The following ASIC2 variants were observed in gnomAD, a reference collection of about 807,000 sequenced individuals.
The protein encoded by ASIC2 is acid-sensing ion channel 2.
In ASIC2, 25 loss-of-function variants were observed where a neutral mutation model predicts 57.3. That is an observed-to-expected ratio of 0.44 (90% CI 0.32 to 0.61). The LOEUF is 0.61. Ranked by LOEUF, ASIC2 falls within the 20% of genes least tolerant of loss-of-function variation. ASIC2 has a pLI of 0.06. For synonymous variants in ASIC2, 319 were observed against 307.5 expected (o/e 1.04, Z -0.39); for missense variants, 641 against 738.1 (o/e 0.87, Z 1.52).
At chr17:33,053,459 A>T (rs1047984903) in intron 3 of ASIC2, among the ~76,000 whole-genome samples, 1 of 152,170 alleles carries the variant, frequency 6.6e-6, no homozygotes, top group Non-Finnish European at 1.5e-5. Flanking sequence ...CTTCTCCCTT[A>T]GCCTCCACTG....
chr17:33,887,977 G>A (rs889096254), intron 1 of ASIC2, among the ~76,000 whole-genome samples: 11 of 152,098 alleles, frequency 7.2e-5, no homozygotes, highest in African/African-American at 2.7e-4. Flanking sequence ...GGTTTCTGCC[G>A]ATTTTGCATG....
At chr17:33,780,770 C>A (rs1040666721) in intron 1 of ASIC2, among the ~76,000 whole-genome samples, 1 of 152,096 alleles carries the variant, frequency 6.6e-6, no homozygotes, top group Non-Finnish European at 1.5e-5. Flanking sequence ...GCAGGGAAGG[C>A]GGGAGGGCCC....
intron 1 of ASIC2, among the ~76,000 whole-genome samples, chr17:33,407,328 T>C (rs952107457): frequency 9.2e-5 from 14 of 152,230 alleles, no homozygotes; most frequent in African/African-American, 3.4e-4. Flanking sequence ...CTAATAACCA[T>C]TATTTTACAC....
intron 1 of ASIC2, among the ~76,000 whole-genome samples, chr17:33,882,132 T>C (rs1914715528): frequency 6.6e-6 from 1 of 152,206 alleles, no homozygotes. Flanking sequence ...AAGACTTAAA[T>C]GTTAGACCTA....
At chr17:34,078,104 T>C (rs560635308) in intron 1 of ASIC2, among the ~76,000 whole-genome samples, 1 of 152,148 alleles carries the variant, frequency 6.6e-6, no homozygotes, top group Admixed American at 6.5e-5. Context: ...ACACTGGCCA[T>C]CTTCTCAGTA....
At chr17:33,394,331 A>G (rs752733503) in intron 1 of ASIC2, among the ~76,000 whole-genome samples, 8 of 152,214 alleles carry the variant, frequency 5.3e-5, no homozygotes, top group East Asian at 3.8e-4. Context: ...CAGAAGGGGT[A>G]GAGCATCAGC....
intron 1 of ASIC2, among the ~76,000 whole-genome samples, chr17:33,998,350 T>C (rs9892844): frequency 0.18 from 27,181 of 152,126 alleles, 4,840 homozygotes; most frequent in African/African-American, 0.45. Context: ...TATTTTTCAT[T>C]GTTTTGCTCA....
chr17:33,462,854 T>C (rs1238875422), intron 1 of ASIC2, among the ~76,000 whole-genome samples: 1 of 152,148 alleles, frequency 6.6e-6, no homozygotes, highest in Non-Finnish European at 1.5e-5. Flanking sequence ...TTCTATTAGG[T>C]TTCTACTTTG....
chr17:33,117,654 C>CAGCT (rs2092286311), intron 1 of ASIC2, among the ~76,000 whole-genome samples: 1 of 152,204 alleles, frequency 6.6e-6, no homozygotes, highest in African/African-American at 2.4e-5. Context: ...AGGCTAAAGG[C>CAGCT]AGCTCACTGA....
intron 1 of ASIC2, among the ~76,000 whole-genome samples, chr17:33,265,926 C>T (rs1909441609): frequency 6.6e-6 from 1 of 152,186 alleles, no homozygotes; most frequent in South Asian, 2.1e-4. Context: ...ATCCAAACTC[C>T]TGACCCTGGC....
chr17:33,834,094 T>C (rs1209587981), intron 1 of ASIC2: 1 of 152,214 alleles, frequency 6.6e-6, no homozygotes, highest in East Asian at 1.9e-4. Flanking sequence ...AATAAACTAT[T>C]GCATATGGGC....
At chr17:33,827,833 C>T (rs752326447) in intron 1 of ASIC2, 2 of 151,944 alleles carry the variant, frequency 1.3e-5, no homozygotes, top group Non-Finnish European at 2.9e-5. Flanking sequence ...GGTTTTAAGC[C>T]TTGTGTACAT....
At chr17:33,076,797 G>T (rs1360095353) in intron 3 of ASIC2, among the ~76,000 whole-genome samples, 1 of 152,162 alleles carries the variant, frequency 6.6e-6, no homozygotes, top group East Asian at 1.9e-4. Flanking sequence ...AAATGCATAG[G>T]CATCTTCCCT....
chr17:33,408,439 T>C (rs1662193601), intron 1 of ASIC2, among the ~76,000 whole-genome samples: 1 of 152,236 alleles, frequency 6.6e-6, no homozygotes. Context: ...GGTGTGAATA[T>C]GTATCCGGTA....
intron 1 of ASIC2, among the ~76,000 whole-genome samples, chr17:34,084,527 T>C (rs1176757575): frequency 6.6e-6 from 1 of 152,260 alleles, no homozygotes; most frequent in Non-Finnish European, 1.5e-5. Flanking sequence ...TGGTGTGGGC[T>C]CTTTTTTGGT....
At chr17:33,525,396 A>G (rs1483781740) in intron 1 of ASIC2, among the ~76,000 whole-genome samples, 1 of 152,142 alleles carries the variant, frequency 6.6e-6, no homozygotes, top group Non-Finnish European at 1.5e-5. Context: ...GGAAATATCT[A>G]CAGCTTCTCT....
chr17:33,743,893 G>C (rs986041246), intron 1 of ASIC2, among the ~76,000 whole-genome samples: 7 of 152,134 alleles, frequency 4.6e-5, no homozygotes, highest in Admixed American at 1.3e-4. Flanking sequence ...TTTGCCCCAA[G>C]TACAACAGGC....
intron 1 of ASIC2, among the ~76,000 whole-genome samples, chr17:33,499,360 T>A (rs1827559710): frequency 6.6e-6 from 1 of 152,114 alleles, no homozygotes; most frequent in Admixed American, 6.6e-5. Flanking sequence ...GAAATAGGGG[T>A]CTTTGCAGAT....
At chr17:33,343,155 C>T (rs995408280) in intron 1 of ASIC2, among the ~76,000 whole-genome samples, 8 of 152,128 alleles carry the variant, frequency 5.3e-5, no homozygotes, top group Admixed American at 3.3e-4. Flanking sequence ...GTGAGCCCCT[C>T]GGAGAGGCTG....
Sources: allele counts gnomAD v4.1 joint callset (sites outside exome capture counted in the v4.1 genomes callset), GRCh38; gene constraint gnomAD v4.1.1; transcripts MANE v1.5; gene names NCBI Gene and HGNC (gene_info 2026-07-23, HGNC 2026-07-21).